SRD5A2: variants seen among roughly 807,000 people sequenced by gnomAD.
SRD5A2 encodes the protein steroid 5 alpha-reductase 2.
Under a neutral mutation model 27.4 loss-of-function variants are expected in SRD5A2, and 30 were observed. That is an observed-to-expected ratio of 1.10 (90% CI 0.82 to 1.49). The LOEUF is 1.49. Ranked by LOEUF, SRD5A2 falls within the 40% of genes most tolerant of loss-of-function variation. The pLI, the probability that SRD5A2 is intolerant of heterozygous loss-of-function variation, is 0.00. For synonymous variants in SRD5A2, 141 were observed against 133.6 expected, an observed-to-expected ratio of 1.06 and a Z score of -0.38; for missense variants, 348 against 323.4, an observed-to-expected ratio of 1.08 and a Z score of -0.58.
intron 1 of SRD5A2, among the ~76,000 whole-genome samples, chr2:31,574,929 C>T (rs1666925965): frequency 6.6e-6 from 1 of 152,208 alleles, no homozygotes; most frequent in Admixed American, 6.5e-5. Context: ...ATGTCTGTAG[C>T]TGCTTTCCCG....
chr2:31,628,560 T>C, the SRD5A2 span, among the ~76,000 whole-genome samples: 1 of 152,204 alleles, frequency 6.6e-6, no homozygotes, highest in East Asian at 1.9e-4. Context: ...TGTTGCTTTA[T>C]AGTGTCACTG....
the SRD5A2 span, among the ~76,000 whole-genome samples, chr2:31,601,644 C>T: frequency 6.6e-6 from 1 of 151,922 alleles, no homozygotes; most frequent in African/African-American, 2.4e-5. Context: ...CTGCTGAGCA[C>T]TGATGCAAAA....
At chr2:31,592,530 T>C in the SRD5A2 span, among the ~76,000 whole-genome samples, 1 of 152,336 alleles carries the variant, frequency 6.6e-6, no homozygotes, top group Non-Finnish European at 1.5e-5. Flanking sequence ...CACAGGACTC[T>C]TTGTAGACAT....
At chr2:31,554,366 A>G (rs553551277) in intron 1 of SRD5A2, among the ~76,000 whole-genome samples, 1 of 152,338 alleles carries the variant, frequency 6.6e-6, no homozygotes, top group East Asian at 1.9e-4. Context: ...CCTACCTAAT[A>G]GCAACTCCAC....
At chr2:31,585,744 C>A (rs1453777578), upstream of SRD5A2, among the ~76,000 whole-genome samples, 4 of 152,134 alleles carry the variant, frequency 2.6e-5, no homozygotes, top group East Asian at 5.8e-4. Context: ...AAGCACCAAG[C>A]AAGCTCTTGG....
At position 31,531,946 on chromosome 2, in the gene SRD5A2, G is replaced by A. The variant is rs1572630666; in HGVS notation, c.446-474C>T. Among the ~76,000 whole-genome samples the A allele has an allele frequency of 1.3e-5, 2 of 152,308 alleles. 1 individual carries two copies. The highest frequency in any genetic ancestry group is 4.1e-4 in the South Asian group (2 of 4,826). ...TTCCACCAATAAGATGTAAAGTGAA[G>A]TCTTGGTTGGGGGACTTCCTTGGAA... On this transcript the variant is annotated intron_variant, in intron 2 of 4. Coordinates refer to ENST00000622030, the MANE Select transcript of SRD5A2 (RefSeq NM_000348.4).
chr2:31,606,733 C>A, the SRD5A2 span, among the ~76,000 whole-genome samples: 2 of 151,926 alleles, frequency 1.3e-5, no homozygotes, highest in African/African-American at 4.8e-5. Flanking sequence ...CAAAGCCCCA[C>A]CCCTCTAATC....
In SRD5A2 at chr2:31,549,182, G is replaced by A. The variant is rs888462934; in HGVS notation, c.282-15416C>T. Among the ~76,000 whole-genome samples, 33 of 150,306 alleles carry A rather than the reference G, an allele frequency of 2.2e-4. 1 individual carries two copies. Among genetic ancestry groups the A allele is most frequent in the African/African-American group, 7.6e-4 (31 of 40,894 alleles). On this transcript the variant is annotated intron_variant, in intron 1 of 4. Transcript: ENST00000622030. ...GGCTGGGGTGCAGTGGCACAATCTC[G>A]GCTCACTGCAACCGCCGCCTCCCAG...
the SRD5A2 span, among the ~76,000 whole-genome samples, chr2:31,649,181 G>A: frequency 6.6e-6 from 1 of 152,158 alleles, no homozygotes. Flanking sequence ...TTAAACAGCC[G>A]CTAGCTATTC....
the SRD5A2 span, among the ~76,000 whole-genome samples, chr2:31,619,480 G>C: frequency 6.6e-6 from 1 of 152,032 alleles, no homozygotes; most frequent in African/African-American, 2.4e-5. Context: ...TGGATCAAAT[G>C]GTGTTTCTGT....
chr2:31,659,189 A>G, the SRD5A2 span, among the ~76,000 whole-genome samples: 23 of 152,198 alleles, frequency 1.5e-4, no homozygotes, highest in Non-Finnish European at 2.9e-4. Flanking sequence ...CTTCAAAATA[A>G]TAAGAGCCAT....
At position 31,580,834 on chromosome 2, in the gene SRD5A2, G is replaced by A; in HGVS notation, c.67C>T (p.Leu23=). Reference sequence around the variant, plus strand: ...GAGGGCTTCGCGACGTACAAGGCCAGTGCCCCAAGGGCGACCAAAGTGGCG... The same window carrying A: ...GAGGGCTTCGCGACGTACAAGGCCAATGCCCCAAGGGCGACCAAAGTGGCG... ...GSATLVALGA[L]ALYVAKPSGY... Residue 23 remains leucine (L), a synonymous_variant, in exon 1 of 5, where the codon CTG becomes TTG. Transcript: ENST00000622030. 6.2e-7 allele frequency: 1 copy of A among 1,612,462 alleles called. No individual in the cohort carries two copies. The highest frequency in any genetic ancestry group is 2.2e-5 in the East Asian group (1 of 44,850).
chr2:31,658,203 A>C, the SRD5A2 span, among the ~76,000 whole-genome samples: 1 of 152,180 alleles, frequency 6.6e-6, no homozygotes, highest in Non-Finnish European at 1.5e-5. Context: ...AACATATGAG[A>C]ATTTCTGGGA....
chr2:31,637,919 A>G, the SRD5A2 span, among the ~76,000 whole-genome samples: 5 of 152,000 alleles, frequency 3.3e-5, no homozygotes, highest in East Asian at 9.6e-4. Context: ...TTTTGTCTCA[A>G]TTGCATTTAT....
chr2:31,628,539 C>A, the SRD5A2 span, among the ~76,000 whole-genome samples: 1 of 152,052 alleles, frequency 6.6e-6, no homozygotes, highest in African/African-American at 2.4e-5. Context: ...ATTATGCAGA[C>A]TTCTTTGTGT....
intron 1 of SRD5A2, among the ~76,000 whole-genome samples, chr2:31,542,199 G>C (rs1427808055): frequency 1.3e-5 from 2 of 152,130 alleles, no homozygotes; most frequent in Non-Finnish European, 2.9e-5. Context: ...AGTAAAGAGG[G>C]CTTTATTTTG....
At chr2:31,607,748 T>C in the SRD5A2 span, among the ~76,000 whole-genome samples, 1 of 152,022 alleles carries the variant, frequency 6.6e-6, no homozygotes, top group Non-Finnish European at 1.5e-5. Flanking sequence ...TATTTTTTTA[T>C]TTTCGTCTTA....
intron 1 of SRD5A2, among the ~76,000 whole-genome samples, chr2:31,570,540 A>G (rs1666829296): frequency 6.6e-6 from 1 of 152,202 alleles, no homozygotes; most frequent in African/African-American, 2.4e-5. Context: ...ATCAGGTAAG[A>G]GAAAGAAATA....
At chr2:31,625,078 T>G in the SRD5A2 span, among the ~76,000 whole-genome samples, 1 of 152,202 alleles carries the variant, frequency 6.6e-6, no homozygotes, top group Non-Finnish European at 1.5e-5. Context: ...GGTATCTCAT[T>G]GTGGTTTTGA....
Sources: gnomAD v4.1 joint callset for allele counts (sites outside exome capture counted in the v4.1 genomes callset) on GRCh38, gnomAD v4.1.1 for gene constraint, MANE v1.5 for transcripts, NCBI Gene and HGNC (gene_info 2026-07-23, HGNC 2026-07-21) for gene names.